The following DPY19L3 variants were observed in gnomAD, a reference collection of about 807,000 sequenced individuals.
DPY19L3 encodes protein C-mannosyl-transferase DPY19L3.
A neutral mutation model predicts 92.3 loss-of-function variants in DPY19L3; 51 were observed. The ratio of observed to expected loss-of-function variants is 0.55; its 90% CI spans 0.44 to 0.70. The LOEUF (loss-of-function observed/expected upper bound fraction) is 0.70, where lower values mean the gene tolerates loss of function less well. Ranked by LOEUF, DPY19L3 falls within the 30% of genes least tolerant of loss-of-function variation. The pLI, the probability that DPY19L3 is intolerant of heterozygous loss-of-function variation, is 0.00. For missense variants in DPY19L3, 706 were observed against 855.9 expected (o/e 0.82, Z 2.18); for synonymous variants, 309 against 315.2 (o/e 0.98, Z 0.21).
intron 16 of DPY19L3, among the ~76,000 whole-genome samples, chr19:32,473,831 G>T (rs907587889): frequency 6.6e-6 from 1 of 152,128 alleles, no homozygotes; most frequent in Non-Finnish European, 1.5e-5. Flanking sequence ...TTTTTGAGAT[G>T]GAATCTCTGT....
intron 3 of DPY19L3, among the ~76,000 whole-genome samples, chr19:32,415,914 A>G (rs1222816852): frequency 6.6e-6 from 1 of 152,228 alleles, no homozygotes; most frequent in Admixed American, 6.5e-5. Flanking sequence ...TGGGAAGTAA[A>G]GCCGACCACT....
intron 3 of DPY19L3, chr19:32,412,331 C>T (rs1968213111): frequency 6.6e-6 from 1 of 151,014 alleles, no homozygotes; most frequent in East Asian, 1.9e-4. Flanking sequence ...AATACTATCA[C>T]ATCTAGTAGG....
intron 3 of DPY19L3, among the ~76,000 whole-genome samples, chr19:32,425,297 A>C (rs954788066): frequency 6.6e-6 from 1 of 152,200 alleles, no homozygotes; most frequent in Non-Finnish European, 1.5e-5. Flanking sequence ...CATGCCTGTA[A>C]TCTCAGCAGT....
rs1156503909 is a variant in DPY19L3 at position 32,482,323 on chromosome 19, G to C, written c.*83G>C. Reference sequence around the variant, plus strand: ...TCAATAGATGACGTTTCCTATGTAAGTAGGTAGCCCAAACCTTCAAGCTGT... The same window carrying C: ...TCAATAGATGACGTTTCCTATGTAACTAGGTAGCCCAAACCTTCAAGCTGT... On this transcript the variant is annotated 3_prime_UTR_variant, in exon 19 of 19. Coordinates refer to ENST00000392250, the MANE Select transcript of DPY19L3 (RefSeq NM_001172774.2). 6.7e-7 allele frequency: 1 copy of C among 1,498,774 alleles called. No individual in the cohort carries two copies. The highest frequency in any genetic ancestry group is 1.4e-5 in the African/African-American group (1 of 71,538). The allele number at this position is 1,498,774 out of a possible 1,614,324, so 92.8% of individuals were successfully genotyped here. A position where few individuals can be genotyped will look rare whatever the true frequency, so the allele number is the denominator to read the frequency against.
At chr19:32,411,182 A>G in intron 2 of DPY19L3, 57 bp from the exon 3 acceptor site, 2 of 1,541,526 alleles carry the variant, frequency 1.3e-6, no homozygotes, top group Non-Finnish European at 1.8e-6. Flanking sequence ...AAGTAGAACT[A>G]TTACATTCTG....
chr19:32,452,908 G>T (rs1487605442), intron 8 of DPY19L3, among the ~76,000 whole-genome samples: 1 of 146,246 alleles, frequency 6.8e-6, no homozygotes, highest in Non-Finnish European at 1.5e-5. Flanking sequence ...GTTTCACCAT[G>T]TTGGCCAGGC....
chr19:32,436,738 A>C lies in DPY19L3; in HGVS notation c.450+171A>C, dbSNP rs574796610. On this transcript the variant is annotated intron_variant, in intron 5 of 18. Coordinates refer to ENST00000392250, the MANE Select transcript of DPY19L3 (RefSeq NM_001172774.2). ...TGAACTTTATAAGATACTGCTTTTTATTTACATAGGATATAAGGTTTTTGT... is the reference window on the plus strand; with the variant it reads ...TGAACTTTATAAGATACTGCTTTTTCTTTACATAGGATATAAGGTTTTTGT... Among the ~76,000 whole-genome samples, 4 of 152,198 alleles carry C rather than the reference A, an allele frequency of 2.6e-5. No homozygotes were observed. In the South Asian group the frequency reaches 8.3e-4, roughly 32 times the overall value.
intron 4 of DPY19L3, among the ~76,000 whole-genome samples, chr19:32,433,866 G>A (rs990895802): frequency 2.0e-5 from 3 of 152,188 alleles, no homozygotes; most frequent in African/African-American, 7.2e-5. Flanking sequence ...TTAATCACCA[G>A]CCCTTCGCTT....
intron 3 of DPY19L3, among the ~76,000 whole-genome samples, chr19:32,420,254 T>C (rs905377835): frequency 6.6e-6 from 1 of 152,068 alleles, no homozygotes; most frequent in African/African-American, 2.4e-5. Flanking sequence ...TAGAGTCAAC[T>C]GCTGGGGCTG....
At position 32,463,440 on chromosome 19, in the gene DPY19L3, A is replaced by C; in HGVS notation, c.1397A>C (p.Asn466Thr). ...TVDLKPETAY[N>T]LIHTILFGFL... is the part of the protein sequence containing the mutation. ...GACCTGAAACCAGAAACTGCCTACAACTTAATACATACCATTCTGTTTGGA... is the reference window on the plus strand; with the variant it reads ...GACCTGAAACCAGAAACTGCCTACACCTTAATACATACCATTCTGTTTGGA... The change falls in exon 13 of 19, where the codon AAC becomes ACC. Residue 466 changes from asparagine (N) to threonine (T), a missense_variant. Coordinates refer to ENST00000392250, the MANE Select transcript of DPY19L3 (RefSeq NM_001172774.2). 6.2e-7 allele frequency: 1 copy of C among 1,613,890 alleles called. No individual in the cohort carries two copies. Among genetic ancestry groups the C allele is most frequent in the Non-Finnish European group, 8.5e-7 (1 of 1,179,834 alleles).
At chr19:32,467,963 A>G (rs1970247356) in intron 15 of DPY19L3, 2 of 985,282 alleles carry the variant, frequency 2.0e-6, no homozygotes, top group Non-Finnish European at 2.4e-6. Context: ...TGTACCAGAT[A>G]TTCCTGGAGA....
Position 32,437,220 on chromosome 19 carries a change from T to TA in DPY19L3, c.478dup (p.Ile160AsnfsTer40). 6.2e-7 allele frequency: 1 copy of TA among 1,614,174 alleles called. No homozygotes were observed. Among genetic ancestry groups the TA allele is most frequent in the Non-Finnish European group, 8.5e-7 (1 of 1,180,028 alleles). On this transcript the variant is annotated frameshift_variant, in exon 6 of 19. Transcript: ENST00000392250. LOFTEE classifies it high-confidence loss of function. Reference sequence around the variant, plus strand: ...AATATTTAGAGCCAGTTTATTTTTATATTTACACCTTATTTGGGCTCCAGG... The same window carrying TA: ...AATATTTAGAGCCAGTTTATTTTTATAATTTACACCTTATTTGGGCTCCAGG...
At chr19:32,411,428 G>T in intron 3 of DPY19L3, 56 bp downstream of exon 3, 1 of 1,596,820 alleles carries the variant, frequency 6.3e-7, no homozygotes. Flanking sequence ...CCAGTAGTAA[G>T]CCATGTGGAT....
intron 15 of DPY19L3, chr19:32,468,077 T>C: frequency 1.0e-6 from 1 of 985,290 alleles, no homozygotes; most frequent in Non-Finnish European, 1.2e-6. Flanking sequence ...ATCATGCTAT[T>C]TTGAAATGAA....
At position 32,485,289 on chromosome 19, in the gene DPY19L3, C is replaced by A. The variant is rs1408489986; in HGVS notation, c.*3049C>A. On this transcript the variant is annotated 3_prime_UTR_variant, in exon 19 of 19. Coordinates refer to ENST00000392250, the MANE Select transcript of DPY19L3 (RefSeq NM_001172774.2). ...TACAGGCATTTGAAAAATAGGGATT[C>A]ATTTCGAATATATTAGCCAGGAGCA... 2.6e-5 allele frequency: 4 copies of A among 152,132 alleles called. No individual in the cohort carries two copies. The highest frequency in any genetic ancestry group is 4.8e-5 in the African/African-American group (2 of 41,426). 9.4% of individuals were successfully genotyped at this position (152,132 alleles called of 1,614,324 possible).
At position 32,484,912 on chromosome 19, in the gene DPY19L3, TATAAG is replaced by T. The variant is rs1970760777; in HGVS notation, c.*2676_*2680del. 3 of 152,256 alleles carry T rather than the reference TATAAG, an allele frequency of 2.0e-5. No homozygotes were observed. The highest frequency in any genetic ancestry group is 7.2e-5 in the African/African-American group (3 of 41,474). The allele number at this position is 152,256 out of a possible 1,614,324, so 9.4% of individuals were successfully genotyped here. A position where few individuals can be genotyped will look rare whatever the true frequency, so the allele number is the denominator to read the frequency against. On this transcript the variant is annotated 3_prime_UTR_variant, in exon 19 of 19. Coordinates refer to ENST00000392250, the MANE Select transcript of DPY19L3 (RefSeq NM_001172774.2). ...TTAAATTAGGTGTGGCTGGGAATAT[TATAAG>T]ATATTGGGGAAAATATACAAATCAA...
intron 9 of DPY19L3, 50 bp downstream of exon 9, chr19:32,453,326 G>T: frequency 6.5e-7 from 1 of 1,537,380 alleles, no homozygotes. Flanking sequence ...TTTTAATTGC[G>T]TGGTTTATTG....
chr19:32,443,369 C>T (rs931876050), intron 8 of DPY19L3, among the ~76,000 whole-genome samples: 3 of 152,184 alleles, frequency 2.0e-5, no homozygotes, highest in Non-Finnish European at 2.9e-5. Context: ...TGTGGTCCCC[C>T]ACCAAATTTA....
intron 9 of DPY19L3, 32 bp downstream of exon 9, chr19:32,453,308 A>G (rs1472574387): frequency 6.4e-7 from 1 of 1,574,414 alleles, no homozygotes; most frequent in Non-Finnish European, 8.6e-7. Context: ...TTATCAAAGT[A>G]AACTTTTTTT....
Sources: allele counts gnomAD v4.1 joint callset (sites outside exome capture counted in the v4.1 genomes callset), GRCh38; gene constraint gnomAD v4.1.1; transcripts MANE v1.5; gene names NCBI Gene and HGNC (gene_info 2026-07-23, HGNC 2026-07-21).